Variants in BBS4 observed in about 807,000 individuals in gnomAD.
BBS4 encodes the protein Bardet-Biedl syndrome 4.
BBS4 carries 58 observed loss-of-function variants against 71.4 expected under a neutral mutation model. The observed-to-expected ratio is 0.81, with a 90% CI of 0.66 to 1.01. The LOEUF is 1.01. BBS4 is among the 50% of genes least tolerant of loss of function. BBS4 has a pLI of 0.00. For synonymous variants in BBS4, 228 were observed against 216.8 expected, an observed-to-expected ratio of 1.05 and a Z score of -0.46; for missense variants, 660 against 607.9, an observed-to-expected ratio of 1.09 and a Z score of -0.90.
At chr15:72,698,271 T>C (rs2065112126) in intron 2 of BBS4, among the ~76,000 whole-genome samples, 1 of 152,172 alleles carries the variant, frequency 6.6e-6, no homozygotes, top group Non-Finnish European at 1.5e-5. Flanking sequence ...TTTTTAAGTG[T>C]GTAAGTCAGT....
In BBS4 at chr15:72,727,924, C is replaced by A; in HGVS notation, c.588-16C>A. 1 of 1,599,282 alleles carries A rather than the reference C, an allele frequency of 6.3e-7. No homozygotes were observed. Among genetic ancestry groups the A allele is most frequent in the Admixed American group, 1.7e-5 (1 of 59,996 alleles). On this transcript the variant is annotated splice_polypyrimidine_tract_variant and intron_variant, in intron 8 of 15. Transcript: ENST00000268057. The stretch of plus-strand genomic sequence containing the variant: ...CATCTACATCTTGTTTCCCTCTGAG[C>A]ATCTCTATGTTGCAGGTTCTCACCA...
At chr15:72,713,047 G>A (rs972007718) in intron 4 of BBS4, among the ~76,000 whole-genome samples, 3 of 150,314 alleles carry the variant, frequency 2.0e-5, no homozygotes, top group East Asian at 1.9e-4. Flanking sequence ...GAGAGACAGA[G>A]TCTCACTTTG....
intron 6 of BBS4, 124 bp from the exon 7 acceptor site, chr15:72,722,670 G>A (rs1433834655): frequency 2.0e-5 from 16 of 806,422 alleles, no homozygotes; most frequent in Non-Finnish European, 3.2e-5. Context: ...AAAGCTGACT[G>A]TAATGCATAG....
intron 8 of BBS4, among the ~76,000 whole-genome samples, chr15:72,725,772 CCTCTT>C (rs1469260864): frequency 6.4e-5 from 4 of 62,172 alleles, no homozygotes; most frequent in East Asian, 2.0e-3. Flanking sequence ...CTTCCCCCTT[CCTCTT>C]CCCCTTCCTC....
chr15:72,694,871 T>C (rs944531591), intron 1 of BBS4, among the ~76,000 whole-genome samples: 2 of 152,184 alleles, frequency 1.3e-5, no homozygotes, highest in African/African-American at 4.8e-5. Flanking sequence ...ATAATACTCA[T>C]ATGAGGTGTT....
At chr15:72,701,878 G>A (rs891908513) in intron 2 of BBS4, among the ~76,000 whole-genome samples, 2 of 151,794 alleles carry the variant, frequency 1.3e-5, no homozygotes, top group Non-Finnish European at 2.9e-5. Context: ...TTGCTCTGTC[G>A]CCAGGCTGGA....
At chr15:72,686,445 C>G in intron 1 of BBS4, 194 bp downstream of exon 1, 1 of 1,532,944 alleles carries the variant, frequency 6.5e-7, no homozygotes, top group Non-Finnish European at 8.7e-7. Context: ...TACTTAGCAG[C>G]ACAGGTCCTG....
At position 72,715,788 on chromosome 15, in the gene BBS4, T is replaced by C. The variant is rs565040828; in HGVS notation, c.332+386T>C. 2.6e-5 allele frequency among the ~76,000 whole-genome samples: 4 copies of C among 152,368 alleles called. No homozygotes were observed. The East Asian group carries it at 7.7e-4, about 29-fold the overall frequency. On this transcript the variant is annotated intron_variant, in intron 5 of 15. Transcript: ENST00000268057. The stretch of plus-strand genomic sequence containing the variant: ...GTTTTTAGTAAGGACAGAGAGTTCC[T>C]GACTTCTGATGGTTCAACTTACATA...
intron 6 of BBS4, among the ~76,000 whole-genome samples, chr15:72,720,665 G>A (rs924604788): frequency 6.6e-6 from 1 of 152,080 alleles, no homozygotes; most frequent in Non-Finnish European, 1.5e-5. Flanking sequence ...AGGAAGCTAA[G>A]GCTTTGGAAG....
At chr15:72,698,095 A>G (rs2065108670) in intron 2 of BBS4, 3 of 454,646 alleles carry the variant, frequency 6.6e-6, no homozygotes. Context: ...GTCTTCATTG[A>G]AAACTTTACC....
At chr15:72,734,510 G>A (rs148884049) in intron 12 of BBS4, among the ~76,000 whole-genome samples, 1 of 152,188 alleles carries the variant, frequency 6.6e-6, no homozygotes, top group South Asian at 2.1e-4. Flanking sequence ...TGCGTACAGT[G>A]CAAGGACTTT....
intron 10 of BBS4, among the ~76,000 whole-genome samples, chr15:72,730,400 C>G (rs1291217976): frequency 1.3e-5 from 2 of 152,066 alleles, no homozygotes; most frequent in African/African-American, 4.8e-5. Context: ...AGTTCAAGAC[C>G]AGGCTGGGCC....
At chr15:72,695,072 T>C in intron 1 of BBS4, 105 bp from the exon 2 acceptor site, 1 of 772,632 alleles carries the variant, frequency 1.3e-6, no homozygotes, top group Non-Finnish European at 2.2e-6. Context: ...AATGGATTAA[T>C]TGCATAATTG....
chr15:72,716,944 A>G, intron 6 of BBS4, 94 bp downstream of exon 6: 1 of 909,440 alleles, frequency 1.1e-6, no homozygotes. Context: ...CTTACATTCC[A>G]AAAATGTCTT....
intron 2 of BBS4, among the ~76,000 whole-genome samples, chr15:72,698,481 C>T (rs1430147372): frequency 6.6e-6 from 1 of 152,150 alleles, no homozygotes; most frequent in Non-Finnish European, 1.5e-5. Flanking sequence ...TAAGGTGAAT[C>T]ATACAATATT....
intron 3 of BBS4, among the ~76,000 whole-genome samples, chr15:72,710,657 A>T (rs2065352896): frequency 6.6e-6 from 1 of 152,196 alleles, no homozygotes; most frequent in Non-Finnish European, 1.5e-5. Context: ...TGCAGAATGT[A>T]TCCTTGGTGT....
At chr15:72,735,305 T>G in intron 13 of BBS4, 123 bp downstream of exon 13, 1 of 751,888 alleles carries the variant, frequency 1.3e-6, no homozygotes. Context: ...CATTAGTACA[T>G]AGCAGACCTC....
intron 13 of BBS4, 130 bp from the exon 14 acceptor site, chr15:72,735,695 A>G (rs1406940397): frequency 8.6e-7 from 1 of 1,168,512 alleles, no homozygotes; most frequent in East Asian, 2.3e-5. Flanking sequence ...GCACGTATGT[A>G]CCTACCTTGC....
intron 8 of BBS4, among the ~76,000 whole-genome samples, chr15:72,725,055 TATAGAG>T (rs1283613782): frequency 3.6e-5 from 4 of 111,596 alleles, no homozygotes; most frequent in Admixed American, 9.2e-5. Context: ...TATATATATA[TATAGAG>T]AGAGAGAGAG....
Sources: gnomAD v4.1 joint callset for allele counts (sites outside exome capture counted in the v4.1 genomes callset) on GRCh38, gnomAD v4.1.1 for gene constraint, MANE v1.5 for transcripts, NCBI Gene and HGNC (gene_info 2026-07-23, HGNC 2026-07-21) for gene names.